TTC9C: variants seen among roughly 807,000 people sequenced by gnomAD.
TTC9C encodes the protein tetratricopeptide repeat domain 9C, also known as tetratricopeptide repeat protein 9C.
TTC9C carries 15 observed loss-of-function variants against 22.5 expected under a neutral mutation model. That is an observed-to-expected ratio of 0.67 (90% confidence interval 0.45 to 1.03). The LOEUF is 1.03. TTC9C is among the 50% of genes least tolerant of loss of function. TTC9C has a pLI of 0.00. For missense variants in TTC9C, 244 were observed against 214.6 expected, an observed-to-expected ratio of 1.14 and a Z score of -0.86; for synonymous variants, 92 against 86.8, an observed-to-expected ratio of 1.06 and a Z score of -0.33.
chr11:62,736,519 T>C (rs1233203795), intron 2 of TTC9C, among the ~76,000 whole-genome samples: 1 of 150,608 alleles, frequency 6.6e-6, no homozygotes, highest in African/African-American at 2.4e-5. Flanking sequence ...ATGGGGAAAC[T>C]CCGTCTCTAT....
chr11:62,731,237 C>T (rs1228356697), intron 1 of TTC9C, among the ~76,000 whole-genome samples: 1 of 136,380 alleles, frequency 7.3e-6, no homozygotes, highest in Non-Finnish European at 1.6e-5. Context: ...TTTCCACCTT[C>T]ACACTTTTGT....
At chr11:62,737,018 T>A (rs1041202815) in intron 2 of TTC9C, among the ~76,000 whole-genome samples, 2 of 151,458 alleles carry the variant, frequency 1.3e-5, no homozygotes, top group Non-Finnish European at 2.9e-5. Context: ...GCTAACATGA[T>A]TAAACCCCGT....
chr11:62,728,657 A>G lies in TTC9C; in HGVS notation c.-192A>G, dbSNP rs1274894724. 2.9e-6 allele frequency: 2 copies of G among 698,164 alleles called. No homozygotes were observed. The highest frequency in any genetic ancestry group is 2.6e-6 in the Non-Finnish European group (1 of 383,088). The allele number at this position is 698,164 out of a possible 1,614,324, so 43.2% of individuals were successfully genotyped here. On this transcript the variant is annotated 5_prime_UTR_variant, in exon 1 of 3. Transcript: ENST00000316461. ...CTTGCCTGCACTTCTTGAGAAAAAG[A>G]CTGCAGAAAGGAGAGGTGGGGCTTT... is the stretch of plus-strand genomic sequence containing the variant.
At chr11:62,731,253 G>C (rs1178242609) in intron 1 of TTC9C, among the ~76,000 whole-genome samples, 1 of 152,068 alleles carries the variant, frequency 6.6e-6, no homozygotes. Context: ...TTTGTAGGCT[G>C]TCTTTCCAGC....
In TTC9C at chr11:62,728,703, C is replaced by G. The variant is rs1015946194; in HGVS notation, c.-146C>G. The G allele has an allele frequency of 1.3e-6, 1 of 787,642 alleles. No homozygotes were observed. The highest frequency in any genetic ancestry group is 1.5e-5 in the South Asian group (1 of 68,608). The allele number at this position is 787,642 out of a possible 1,614,324, so 48.8% of individuals were successfully genotyped here. A position where few individuals can be genotyped will look rare whatever the true frequency, so the allele number is the denominator to read the frequency against. On this transcript the variant is annotated 5_prime_UTR_variant, in exon 1 of 3. Transcript: ENST00000316461. ...GCTTTCAGTAGAAACAAGCAAACCG[C>G]AGGTCCCTGTGGGGGGACTCTCCAG...
intron 1 of TTC9C, chr11:62,733,220 T>C: frequency 8.1e-7 from 1 of 1,242,110 alleles, no homozygotes; most frequent in Non-Finnish European, 1.0e-6. Flanking sequence ...CAAGGTCCCA[T>C]TAAGTCATCC....
chr11:62,728,375 G>A (rs2083788800), upstream of TTC9C: 1 of 370,968 alleles, frequency 2.7e-6, no homozygotes, highest in Admixed American at 3.7e-5. Flanking sequence ...TGTTGAATAA[G>A]GAAGAAGAGT....
At position 62,733,415 on chromosome 11, in the gene TTC9C, C is replaced by T. The variant is rs541765784; in HGVS notation, c.239-1967C>T. 8.9e-4 allele frequency among the ~76,000 whole-genome samples: 132 copies of T among 147,644 alleles called. 1 individual carries two copies. The highest frequency in any genetic ancestry group is 1.5e-3 in the Non-Finnish European group (102 of 66,344). On this transcript the variant is annotated intron_variant, in intron 1 of 2. Coordinates refer to ENST00000316461, the MANE Select transcript of TTC9C (RefSeq NM_173810.4). ...TAACACCTATTTAATAGTGTAGATG[C>T]GAAGATTAAACAAGACAGTGTATAT... is the stretch of plus-strand genomic sequence containing the variant.
At chr11:62,735,605 C>T (rs1309210159) in intron 2 of TTC9C, 41 bp downstream of exon 2, 1 of 1,564,488 alleles carries the variant, frequency 6.4e-7, no homozygotes, top group Non-Finnish European at 8.7e-7. Context: ...ACAAAATTGT[C>T]TTGCTGGGGT....
intron 2 of TTC9C, among the ~76,000 whole-genome samples, chr11:62,737,572 AAATG>A (rs1404248692): frequency 1.3e-5 from 2 of 152,224 alleles, no homozygotes; most frequent in African/African-American, 4.8e-5. Context: ...AATCTCATCT[AAATG>A]AATGAGAAAG....
chr11:62,737,092 G>A (rs543762767), intron 2 of TTC9C, among the ~76,000 whole-genome samples: 78 of 151,798 alleles, frequency 5.1e-4, no homozygotes, highest in African/African-American at 1.6e-3. Flanking sequence ...CCAGCTACTC[G>A]GGAGGCTGAG....
At chr11:62,737,441 T>C (rs2083925030) in intron 2 of TTC9C, among the ~76,000 whole-genome samples, 1 of 152,182 alleles carries the variant, frequency 6.6e-6, no homozygotes, top group Non-Finnish European at 1.5e-5. Flanking sequence ...GTGAAGCAGA[T>C]GAGAGACTCA....
In TTC9C at chr11:62,738,382, A is replaced by C; in HGVS notation, c.516A>C (p.Ter172TyrextTer23). 1 of 1,603,176 alleles carries C rather than the reference A, an allele frequency of 6.2e-7. No homozygotes were observed. The highest frequency in any genetic ancestry group is 1.7e-4 in the Middle Eastern group (1 of 6,054). ...EKQLYLGMFG[*>Y] ...AGCTCTACCTGGGCATGTTTGGTTAACAAAGAAGAAAGATGCTCCTCCAGT... is the reference window on the plus strand; with the variant it reads ...AGCTCTACCTGGGCATGTTTGGTTACCAAAGAAGAAAGATGCTCCTCCAGT... Residue 172 changes from the stop codon to tyrosine (Y), a stop_lost, in exon 3 of 3, where the codon TAA (stop) becomes TAC (tyrosine). Coordinates refer to ENST00000316461, the MANE Select transcript of TTC9C (RefSeq NM_173810.4).
chr11:62,735,120 C>T (rs2083895555), intron 1 of TTC9C, among the ~76,000 whole-genome samples: 1 of 152,174 alleles, frequency 6.6e-6, no homozygotes, highest in Admixed American at 6.6e-5. Flanking sequence ...TCTCGAACTC[C>T]CGACCTCAGG....
At chr11:62,733,106 T>G in intron 1 of TTC9C, 1 of 1,279,624 alleles carries the variant, frequency 7.8e-7, no homozygotes, top group Non-Finnish European at 1.0e-6. Context: ...ATACTATGTT[T>G]AATTCCCACA....
chr11:62,730,231 C>T (rs759168445), intron 1 of TTC9C, among the ~76,000 whole-genome samples: 8 of 152,022 alleles, frequency 5.3e-5, no homozygotes, highest in Non-Finnish European at 1.0e-4. Flanking sequence ...CGTGCCACCA[C>T]GCCTGGCTAA....
At position 62,728,513 on chromosome 11, in the gene TTC9C, A is replaced by G. The variant is rs950349709; in HGVS notation, c.-336A>G. ...TGTCCCAGGCGTTCTCACGCCCGCA[A>G]CAATTCCTGAGTAGGGCCTTGCTTG... On this transcript the variant is annotated 5_prime_UTR_variant, in exon 1 of 3. Coordinates refer to ENST00000316461, the MANE Select transcript of TTC9C (RefSeq NM_173810.4). The G allele has an allele frequency of 1.2e-5, 6 of 489,510 alleles. No individual in the cohort carries two copies. Among genetic ancestry groups the G allele is most frequent in the East Asian group, 1.2e-4 (2 of 17,036 alleles). 30.3% of individuals were successfully genotyped at this position (489,510 alleles called of 1,614,324 possible).
rs750107541 is a variant in TTC9C, at chr11:62,735,395, G to C, written c.252G>C (p.Gln84His). Residue 84 changes from glutamine to histidine, a missense_variant, in exon 2 of 3, where the codon CAG becomes CAC. By Grantham distance (24) the Gln-to-His change is conservative. Transcript: ENST00000316461. ...TTGGCCCATTAGCTTGTCTCCTTCAGATGGAGCCCGTGAACTACGAACGAG... is the reference window on the plus strand; with the variant it reads ...TTGGCCCATTAGCTTGTCTCCTTCACATGGAGCCCGTGAACTACGAACGAG... ...CYNNLAACLL[Q>H]MEPVNYERVR... 8.7e-6 allele frequency: 14 copies of C among 1,613,960 alleles called. No individual in the cohort carries two copies. Among genetic ancestry groups the C allele is most frequent in the African/African-American group, 2.7e-5 (2 of 74,920 alleles).
intron 1 of TTC9C, among the ~76,000 whole-genome samples, chr11:62,729,793 C>T (rs2134801404): frequency 6.6e-6 from 1 of 152,198 alleles, no homozygotes; most frequent in East Asian, 1.9e-4. Flanking sequence ...TCAGGCTGGT[C>T]TTGAACTACT....
Sources: allele counts gnomAD v4.1 joint callset (sites outside exome capture counted in the v4.1 genomes callset), GRCh38; gene constraint gnomAD v4.1.1; transcripts MANE v1.5; gene names NCBI Gene and HGNC (gene_info 2026-07-23, HGNC 2026-07-21).